Variants in SLC28A1 observed in about 807,000 individuals in gnomAD.
The protein encoded by SLC28A1 is sodium/nucleoside cotransporter 1.
In SLC28A1, 64 loss-of-function variants were observed where a neutral mutation model predicts 74.8. The ratio of observed to expected loss-of-function variants is 0.86; its 90% confidence interval spans 0.70 to 1.05. SLC28A1 has a LOEUF of 1.05. SLC28A1 is among the 50% of genes least tolerant of loss of function. The pLI is 0.00. For synonymous variants in SLC28A1, 359 were observed against 335.0 expected (o/e 1.07, Z -0.78); for missense variants, 828 against 822.8 (o/e 1.01, Z -0.08).
At chr15:84,921,823 CTG>C (rs1374783098) in intron 11 of SLC28A1, among the ~76,000 whole-genome samples, 1 of 152,142 alleles carries the variant, frequency 6.6e-6, no homozygotes, top group Non-Finnish European at 1.5e-5. Flanking sequence ...CTCAGATAAA[CTG>C]TCAAAAAAAT....
chr15:84,949,200 C>T (rs1267564027), downstream of SLC28A1, among the ~76,000 whole-genome samples: 5 of 152,120 alleles, frequency 3.3e-5, no homozygotes, highest in African/African-American at 2.4e-5. Flanking sequence ...AGACCTGATT[C>T]GAAGCTGTTC....
At chr15:84,890,129 CCCCCCACCGGCCA>C (rs1965197408) in intron 4 of SLC28A1, among the ~76,000 whole-genome samples, 1 of 21,674 alleles carries the variant, frequency 4.6e-5, no homozygotes, top group Non-Finnish European at 4.0e-4. Context: ...GCCACCGCGC[CCCCCCACCGGCCA>C]CATTTCTGTA....
chr15:84,941,473 G>A (rs1567189288), intron 15 of SLC28A1, among the ~76,000 whole-genome samples: 1 of 151,844 alleles, frequency 6.6e-6, no homozygotes, highest in Non-Finnish European at 1.5e-5. Flanking sequence ...CCAAAGTGCT[G>A]GGATTACAGG....
intron 12 of SLC28A1, among the ~76,000 whole-genome samples, chr15:84,928,588 T>TTCTCTC (rs1970847936): frequency 5.4e-5 from 1 of 18,566 alleles, no homozygotes. Context: ...CTTTCTTTCT[T>TTCTCTC]TCTTTCTTTC....
chr15:84,889,887 C>T (rs541219295), intron 4 of SLC28A1, among the ~76,000 whole-genome samples: 2 of 147,800 alleles, frequency 1.4e-5, no homozygotes, highest in East Asian at 2.0e-4. Context: ...GCAGGTCTCA[C>T]TCTGTTGCCT....
chr15:84,909,700 C>T (rs761119099), intron 9 of SLC28A1, among the ~76,000 whole-genome samples: 5 of 152,240 alleles, frequency 3.3e-5, no homozygotes, highest in Non-Finnish European at 5.9e-5. Context: ...AGCTCCCTTG[C>T]CAGGCAGAAG....
At chr15:84,956,442 C>CTTTCTTTCTTTCTTTCTTT in the SLC28A1 span, among the ~76,000 whole-genome samples, 1 of 124,568 alleles carries the variant, frequency 8.0e-6, no homozygotes, top group Non-Finnish European at 1.6e-5. Context: ...TTCCTTCCTT[C>CTTTCTTTCTTTCTTTCTTT]CTTTCTTTCT....
intron 8 of SLC28A1, 80 bp from the exon 9 acceptor site, chr15:84,908,638 C>G (rs1190866455): frequency 2.4e-6 from 3 of 1,254,040 alleles, no homozygotes; most frequent in Admixed American, 3.5e-5. Flanking sequence ...GCCAACCCGC[C>G]TGTCTCTGGC....
intron 12 of SLC28A1, among the ~76,000 whole-genome samples, chr15:84,929,460 C>T (rs1033488534): frequency 1.3e-5 from 2 of 151,550 alleles, no homozygotes; most frequent in Admixed American, 1.3e-4. Context: ...GGGAGAATTG[C>T]TTGAACCCGG....
chr15:84,963,720 A>G, the SLC28A1 span, among the ~76,000 whole-genome samples: 1 of 152,222 alleles, frequency 6.6e-6, no homozygotes, highest in Non-Finnish European at 1.5e-5. Context: ...TGAGCCATGC[A>G]GAGCAAGTGG....
At chr15:84,900,597 G>A (rs927512071) in intron 6 of SLC28A1, among the ~76,000 whole-genome samples, 3 of 151,904 alleles carry the variant, frequency 2.0e-5, no homozygotes, top group African/African-American at 7.3e-5. Flanking sequence ...CCAGGAGTTT[G>A]AGACCAGCCC....
At chr15:84,928,580 T>TCTC (rs1567172271) in intron 12 of SLC28A1, among the ~76,000 whole-genome samples, 2 of 19,082 alleles carry the variant, frequency 1.0e-4, no homozygotes, top group Non-Finnish European at 1.8e-4. Flanking sequence ...CTTTCTTTCT[T>TCTC]TCTTTCTTTC....
chr15:84,902,403 C>A (rs6496504), intron 6 of SLC28A1, among the ~76,000 whole-genome samples: 4 of 151,716 alleles, frequency 2.6e-5, no homozygotes, highest in Non-Finnish European at 5.9e-5. Context: ...GCGCTTAAAC[C>A]CCGGAGGTGG....
chr15:84,928,980 G>T (rs967877245), intron 12 of SLC28A1, among the ~76,000 whole-genome samples: 2 of 151,932 alleles, frequency 1.3e-5, no homozygotes, highest in Non-Finnish European at 1.5e-5. Flanking sequence ...TCCCTTCTCC[G>T]CACATCCCTC....
rs191670656 is a variant in SLC28A1 at position 84,928,849 on chromosome 15, C to T, written c.1084-4296C>T. 7.9e-4 allele frequency among the ~76,000 whole-genome samples: 120 copies of T among 151,982 alleles called. 2 individuals carry two copies. The East Asian group carries it at 0.023, about 29-fold the overall frequency. The stretch of plus-strand genomic sequence containing the variant: ...TGTTGGCCAGGCTGGCCTTGAACTC[C>T]TCACCTCAGGTGATCCACCCGCCTC... On this transcript the variant is annotated intron_variant, in intron 12 of 18. Coordinates refer to ENST00000394573, the MANE Select transcript of SLC28A1 (RefSeq NM_004213.5).
At chr15:84,971,910 G>T in the SLC28A1 span, among the ~76,000 whole-genome samples, 1 of 152,164 alleles carries the variant, frequency 6.6e-6, no homozygotes, top group African/African-American at 2.4e-5. Flanking sequence ...GCTTCCCAAA[G>T]TGCTGGGATT....
At chr15:84,925,725 T>C (rs1970436413) in intron 12 of SLC28A1, among the ~76,000 whole-genome samples, 1 of 152,152 alleles carries the variant, frequency 6.6e-6, no homozygotes, top group Admixed American at 6.5e-5. Flanking sequence ...TCTTTCTGTG[T>C]AAGTAGGCTT....
At chr15:84,938,847 T>C (rs1972296649) in intron 15 of SLC28A1, among the ~76,000 whole-genome samples, 2 of 151,694 alleles carry the variant, frequency 1.3e-5, no homozygotes, top group Non-Finnish European at 2.9e-5. Flanking sequence ...GGAGAACGGA[T>C]GAGCTAGGAC....
chr15:84,906,573 T>TGCTTCCTTC (rs1567140724), intron 8 of SLC28A1, among the ~76,000 whole-genome samples: 3 of 97,976 alleles, frequency 3.1e-5, no homozygotes, highest in Admixed American at 1.1e-4. Context: ...TCTCTTTCTT[T>TGCTTCCTTC]CTTCCTTCCT....
Sources: gnomAD v4.1 joint callset for allele counts (sites outside exome capture counted in the v4.1 genomes callset) on GRCh38, gnomAD v4.1.1 for gene constraint, MANE v1.5 for transcripts, NCBI Gene and HGNC (gene_info 2026-07-23, HGNC 2026-07-21) for gene names.